DLG2: variants seen among roughly 807,000 people sequenced by gnomAD.
DLG2 encodes the protein disks large homolog 2.
Under a neutral mutation model 132.5 loss-of-function variants are expected in DLG2, and 45 were observed. The ratio of observed to expected loss-of-function variants is 0.34; its 90% CI spans 0.27 to 0.44. The LOEUF is 0.44. Ranked by LOEUF, DLG2 falls within the 20% of genes least tolerant of loss-of-function variation. The pLI is 1.00. For synonymous variants in DLG2, 424 were observed against 419.6 expected (o/e 1.01, Z -0.13); for missense variants, 1,045 against 1,196.9 (o/e 0.87, Z 1.87).
intron 6 of DLG2, among the ~76,000 whole-genome samples, chr11:84,884,248 T>C (rs914630775): frequency 7.2e-5 from 11 of 152,090 alleles, no homozygotes; most frequent in South Asian, 2.1e-4. Flanking sequence ...GTTATCTCTG[T>C]TGAGCATTTT....
rs545215914 is a variant in DLG2 at position 85,115,090 on chromosome 11, C to T, written c.283-3355G>A. 2.2e-4 allele frequency among the ~76,000 whole-genome samples: 33 copies of T among 151,322 alleles called. 1 individual carries two copies. The highest frequency in any genetic ancestry group is 3.9e-4 in the East Asian group (2 of 5,148). ...CCTCATAAACAAAGGAGTTTTTTTT[C>T]GGGGTGGGGGTGCGGTATTGAGAAG... On this transcript the variant is annotated intron_variant, in intron 5 of 27. Transcript: ENST00000376104.
Position 83,768,787 on chromosome 11 carries a change from C to A in DLG2, c.1825+17903G>T, listed in dbSNP as rs144875930. On this transcript the variant is annotated intron_variant, in intron 18 of 27. Transcript: ENST00000376104. ...GCCCATACTAGTTAAAGGAGCATGG[C>A]CTTTTTCTCCTTCTAAAGAAGTGAG... is the stretch of plus-strand genomic sequence containing the variant. 5.0e-3 allele frequency among the ~76,000 whole-genome samples: 757 copies of A among 152,250 alleles called. 12 individuals are homozygous for A. The highest frequency in any genetic ancestry group is 0.026 in the Admixed American group (390 of 15,288).
intron 6 of DLG2, among the ~76,000 whole-genome samples, chr11:84,693,428 G>A (rs1427504646): frequency 1.3e-5 from 2 of 151,714 alleles, no homozygotes; most frequent in African/African-American, 4.8e-5. Flanking sequence ...TTGAGCCCTT[G>A]TGGCTAAACC....
chr11:83,962,861 A>G (rs781650258), intron 14 of DLG2, 24 bp downstream of exon 14: 2 of 1,610,788 alleles, frequency 1.2e-6, no homozygotes, highest in East Asian at 2.2e-5. Context: ...GAGCAAATCC[A>G]ATTAACTAAC....
chr11:84,795,727 G>A (rs2074499515), intron 6 of DLG2, among the ~76,000 whole-genome samples: 1 of 152,146 alleles, frequency 6.6e-6, no homozygotes, highest in Non-Finnish European at 1.5e-5. Flanking sequence ...GCCCTTTGGG[G>A]AGCCTGGATG....
intron 19 of DLG2, among the ~76,000 whole-genome samples, chr11:83,620,984 T>G (rs1034331759): frequency 9.2e-5 from 14 of 151,906 alleles, no homozygotes; most frequent in Non-Finnish European, 2.1e-4. Flanking sequence ...TTACTTTAAT[T>G]TTTTTAGCTA....
intron 3 of DLG2, among the ~76,000 whole-genome samples, chr11:85,493,330 C>T (rs2093603878): frequency 6.6e-6 from 1 of 152,178 alleles, no homozygotes; most frequent in African/African-American, 2.4e-5. Flanking sequence ...ATGGCCTTTG[C>T]AATTGCTGCT....
At chr11:83,513,612 G>A (rs539968827) in intron 21 of DLG2, among the ~76,000 whole-genome samples, 1 of 152,298 alleles carries the variant, frequency 6.6e-6, no homozygotes, top group East Asian at 1.9e-4. Flanking sequence ...CCATGCCTAT[G>A]TCCTGAATGG....
rs60598747 is a variant in DLG2, at chr11:84,550,115, T to TACACACACAC, written c.358-15394_358-15385dup. 3.4e-5 allele frequency among the ~76,000 whole-genome samples: 5 copies of TACACACACAC among 145,934 alleles called. No homozygotes were observed. The East Asian group carries it at 6.1e-4, about 18-fold the overall frequency. ...TTCCAAGTATTGTAAAACGAGCCTA[T>TACACACACAC]ACACACACACACACACACACACACA... On this transcript the variant is annotated intron_variant, in intron 6 of 27. Coordinates refer to ENST00000376104, the MANE Select transcript of DLG2 (RefSeq NM_001142699.3).
intron 16 of DLG2, among the ~76,000 whole-genome samples, chr11:83,872,856 G>C (rs1038804597): frequency 1.3e-5 from 2 of 152,182 alleles, no homozygotes; most frequent in Non-Finnish European, 2.9e-5. Flanking sequence ...AAGTGAGGTA[G>C]AGACAGTGGT....
At chr11:84,501,501 C>G (rs753438583) in intron 7 of DLG2, among the ~76,000 whole-genome samples, 1 of 151,986 alleles carries the variant, frequency 6.6e-6, no homozygotes, top group Non-Finnish European at 1.5e-5. Flanking sequence ...GGAAGATGGA[C>G]GGTGGAGTGA....
At chr11:84,585,110 T>C (rs1193757399) in intron 6 of DLG2, among the ~76,000 whole-genome samples, 1 of 152,210 alleles carries the variant, frequency 6.6e-6, no homozygotes, top group Non-Finnish European at 1.5e-5. Context: ...CTAAAATGTT[T>C]AATATTTTGC....
At chr11:84,726,933 C>T (rs1276472427) in intron 6 of DLG2, among the ~76,000 whole-genome samples, 1 of 152,096 alleles carries the variant, frequency 6.6e-6, no homozygotes, top group African/African-American at 2.4e-5. Flanking sequence ...ATCTTTTGCC[C>T]AGTTTTTGAT....
intron 17 of DLG2, among the ~76,000 whole-genome samples, chr11:83,796,308 T>G (rs3862775): frequency 6.6e-6 from 1 of 151,746 alleles, no homozygotes; most frequent in Non-Finnish European, 1.5e-5. Context: ...AACAAACAAA[T>G]GAAAAAAACC....
At chr11:84,227,257 T>A (rs1404058079) in intron 8 of DLG2, among the ~76,000 whole-genome samples, 1 of 151,948 alleles carries the variant, frequency 6.6e-6, no homozygotes, top group Non-Finnish European at 1.5e-5. Flanking sequence ...GAAAAAGACA[T>A]ATTAGACGTA....
intron 7 of DLG2, among the ~76,000 whole-genome samples, chr11:84,361,285 T>C (rs1054793932): frequency 6.6e-6 from 1 of 151,882 alleles, no homozygotes; most frequent in Non-Finnish European, 1.5e-5. Context: ...CCATACATCA[T>C]GATCAAATTG....
intron 3 of DLG2, among the ~76,000 whole-genome samples, chr11:85,590,863 A>T (rs954201756): frequency 4.6e-5 from 7 of 152,076 alleles, no homozygotes; most frequent in African/African-American, 1.7e-4. Flanking sequence ...ATCCTTTCAC[A>T]CTCCCAACAA....
chr11:83,519,745 G>A (rs2095416138), intron 21 of DLG2, among the ~76,000 whole-genome samples: 1 of 152,180 alleles, frequency 6.6e-6, no homozygotes, highest in Non-Finnish European at 1.5e-5. Context: ...ACTGCGAAGG[G>A]CATAAACACA....
intron 6 of DLG2, among the ~76,000 whole-genome samples, chr11:84,635,606 T>C (rs2099639271): frequency 6.6e-6 from 1 of 152,208 alleles, no homozygotes; most frequent in Non-Finnish European, 1.5e-5. Context: ...CTCATTATTT[T>C]GTTTAGGACC....
Sources: gnomAD v4.1 joint callset for allele counts (sites outside exome capture counted in the v4.1 genomes callset) on GRCh38, gnomAD v4.1.1 for gene constraint, MANE v1.5 for transcripts, NCBI Gene and HGNC (gene_info 2026-07-23, HGNC 2026-07-21) for gene names.